Variants in GALNT2 observed in about 807,000 individuals in gnomAD.
GALNT2 encodes the protein UDP-GalNAc:polypeptide N-acetylgalactosaminyltransferase 2.
Under a neutral mutation model 81.4 loss-of-function variants are expected in GALNT2, and 31 were observed. That is an observed-to-expected ratio of 0.38 (90% CI 0.29 to 0.51). GALNT2 has a LOEUF of 0.51. GALNT2 is among the 20% of genes least tolerant of loss of function. The probability of loss-of-function intolerance (pLI) is 0.87; values close to 1 mark genes in which losing one functional copy is unlikely to be tolerated. For missense variants in GALNT2, 629 were observed against 765.7 expected (o/e 0.82, Z 2.11); for synonymous variants, 303 against 287.4 (o/e 1.05, Z -0.55).
chr1:230,129,271 C>T (rs1399023883), intron 1 of GALNT2, among the ~76,000 whole-genome samples: 1 of 152,132 alleles, frequency 6.6e-6, no homozygotes, highest in Non-Finnish European at 1.5e-5. Context: ...TCTTTCCTGT[C>T]CTATAACCTG....
intron 14 of GALNT2, among the ~76,000 whole-genome samples, chr1:230,269,913 A>T (rs1475933852): frequency 2.0e-5 from 3 of 152,092 alleles, no homozygotes; most frequent in African/African-American, 7.2e-5. Flanking sequence ...AATGTAAAAT[A>T]AATTAGGGCC....
At chr1:230,093,393 A>G (rs2102769030) in intron 1 of GALNT2, among the ~76,000 whole-genome samples, 1 of 114,906 alleles carries the variant, frequency 8.7e-6, no homozygotes, top group Middle Eastern at 4.2e-3. Flanking sequence ...AAGCAGAAGG[A>G]GGAGCATTAG....
At chr1:230,113,293 C>T (rs900093818) in intron 1 of GALNT2, among the ~76,000 whole-genome samples, 5 of 152,216 alleles carry the variant, frequency 3.3e-5, no homozygotes, top group African/African-American at 4.8e-5. Context: ...TTGTTCTCTT[C>T]TTCCAGGGCT....
chr1:230,226,749 C>T (rs1017860203), intron 3 of GALNT2, among the ~76,000 whole-genome samples: 1 of 152,224 alleles, frequency 6.6e-6, no homozygotes, highest in Non-Finnish European at 1.5e-5. Flanking sequence ...TTCACTCACC[C>T]ATCTCATGGT....
chr1:230,121,106 C>T (rs1038261577), intron 1 of GALNT2, among the ~76,000 whole-genome samples: 3 of 152,216 alleles, frequency 2.0e-5, no homozygotes, highest in East Asian at 3.8e-4. Context: ...GGATGTTTAA[C>T]GCAATGATCT....
At chr1:230,095,976 C>T (rs144125814) in intron 1 of GALNT2, among the ~76,000 whole-genome samples, 34 of 152,312 alleles carry the variant, frequency 2.2e-4, no homozygotes, top group African/African-American at 7.5e-4. Context: ...TAAGCCATGA[C>T]GTTTTGGGAG....
At chr1:230,145,144 G>A (rs1489062196) in intron 1 of GALNT2, among the ~76,000 whole-genome samples, 2 of 152,110 alleles carry the variant, frequency 1.3e-5, no homozygotes, top group Non-Finnish European at 2.9e-5. Context: ...ATGTGCCTGT[G>A]GGCCCCTCCT....
intron 3 of GALNT2, among the ~76,000 whole-genome samples, chr1:230,219,984 T>C (rs1664498306): frequency 6.6e-6 from 1 of 152,210 alleles, no homozygotes; most frequent in Non-Finnish European, 1.5e-5. Flanking sequence ...ACAGAGACTA[T>C]CTGTAATTAG....
chr1:230,189,994 C>T (rs2102695669), intron 2 of GALNT2, among the ~76,000 whole-genome samples: 1 of 152,292 alleles, frequency 6.6e-6, no homozygotes, highest in Non-Finnish European at 1.5e-5. Context: ...GAACCATGTG[C>T]CCTGTGATAC....
In GALNT2 at chr1:230,280,091, G is replaced by C. The variant is rs1450491547; in HGVS notation, c.*633G>C. 1 of 436,450 alleles carries C rather than the reference G, an allele frequency of 2.3e-6. No homozygotes were observed. Among genetic ancestry groups the C allele is most frequent in the Non-Finnish European group, 4.6e-6 (1 of 215,238 alleles). 27.0% of individuals were successfully genotyped at this position (436,450 alleles called of 1,614,324 possible). On this transcript the variant is annotated 3_prime_UTR_variant, in exon 16 of 16. Transcript: ENST00000366672. ...TATATAGAGAAAGAATGTACGGTCA[G>C]TTCCCTATGGTTTCTGTAGATCATC...
intron 1 of GALNT2, among the ~76,000 whole-genome samples, chr1:230,127,822 C>T (rs1661237175): frequency 6.6e-6 from 1 of 152,172 alleles, no homozygotes; most frequent in African/African-American, 2.4e-5. Flanking sequence ...TGAATTGTTG[C>T]ACTGTAACTC....
At chr1:230,129,695 TTAAAAA>T in intron 1 of GALNT2, among the ~76,000 whole-genome samples, 1 of 152,348 alleles carries the variant, frequency 6.6e-6, no homozygotes, top group Middle Eastern at 3.4e-3. Flanking sequence ...ATTCTGTCAC[TTAAAAA>T]TAAAAGTTCA....
chr1:230,099,633 C>T (rs1438353795), intron 1 of GALNT2, among the ~76,000 whole-genome samples: 2 of 152,226 alleles, frequency 1.3e-5, no homozygotes, highest in Admixed American at 6.5e-5. Context: ...AGCAATGGTG[C>T]GTTCCCTCAG....
intron 3 of GALNT2, among the ~76,000 whole-genome samples, chr1:230,209,612 C>T (rs915694788): frequency 2.0e-5 from 3 of 152,150 alleles, no homozygotes; most frequent in Admixed American, 6.5e-5. Context: ...GAGGCCAAGG[C>T]GGGTGAATCG....
chr1:230,067,021 G>T (rs1659205113), upstream of GALNT2, among the ~76,000 whole-genome samples: 1 of 147,992 alleles, frequency 6.8e-6, no homozygotes, highest in African/African-American at 2.4e-5. Context: ...CCGCCGATTG[G>T]TCGCCCTTTG....
intron 3 of GALNT2, among the ~76,000 whole-genome samples, chr1:230,214,320 C>T (rs1331498003): frequency 6.6e-6 from 1 of 152,136 alleles, no homozygotes; most frequent in Non-Finnish European, 1.5e-5. Context: ...CCATGTTGGC[C>T]AGGCCGGTCT....
At chr1:230,268,691 T>C (rs1666096720) in intron 14 of GALNT2, among the ~76,000 whole-genome samples, 1 of 152,180 alleles carries the variant, frequency 6.6e-6, no homozygotes, top group African/African-American at 2.4e-5. Flanking sequence ...GTCTGGGCCC[T>C]GTGGAGGTGG....
intron 3 of GALNT2, among the ~76,000 whole-genome samples, chr1:230,210,821 A>G (rs1664211241): frequency 6.6e-6 from 1 of 152,186 alleles, no homozygotes; most frequent in South Asian, 2.1e-4. Flanking sequence ...CTCTCACTGG[A>G]ATGTCAGTAT....
At chr1:230,184,918 T>G (rs1483903815) in intron 2 of GALNT2, among the ~76,000 whole-genome samples, 2 of 152,216 alleles carry the variant, frequency 1.3e-5, no homozygotes, top group East Asian at 3.8e-4. Flanking sequence ...ATTATTTCAA[T>G]TTTTTTCATC....
Sources: allele counts gnomAD v4.1 joint callset (sites outside exome capture counted in the v4.1 genomes callset), GRCh38; gene constraint gnomAD v4.1.1; transcripts MANE v1.5; gene names NCBI Gene and HGNC (gene_info 2026-07-23, HGNC 2026-07-21).